SRP72: variants seen among roughly 807,000 people sequenced by gnomAD.
SRP72 encodes the protein signal recognition particle 72.
A neutral mutation model predicts 96.3 loss-of-function variants in SRP72; 49 were observed. The ratio of observed to expected loss-of-function variants is 0.51; its 90% CI spans 0.40 to 0.65. The LOEUF is 0.65. Ranked by LOEUF, SRP72 falls within the 30% of genes least tolerant of loss-of-function variation. The pLI is 0.00. For synonymous variants in SRP72, 267 were observed against 275.2 expected (o/e 0.97, Z 0.30); for missense variants, 736 against 793.3 (o/e 0.93, Z 0.87).
intron 6 of SRP72, among the ~76,000 whole-genome samples, chr4:56,477,618 A>G (rs1230805002): frequency 6.6e-6 from 1 of 152,002 alleles, no homozygotes. Context: ...TAATATTTTT[A>G]AGTTTTATCA....
At chr4:56,488,225 C>T (rs1312366733) in intron 12 of SRP72, among the ~76,000 whole-genome samples, 1 of 152,120 alleles carries the variant, frequency 6.6e-6, no homozygotes, top group Non-Finnish European at 1.5e-5. Context: ...ACTATTTAGG[C>T]CTTATAGTAT....
chr4:56,500,314 A>G (rs550770424), intron 17 of SRP72: 9 of 411,914 alleles, frequency 2.2e-5, no homozygotes, highest in South Asian at 1.1e-4. Context: ...ATGTATACCT[A>G]TGTAACAAAC....
chr4:56,480,736 A>G (rs1720449922), intron 8 of SRP72, among the ~76,000 whole-genome samples: 1 of 152,228 alleles, frequency 6.6e-6, no homozygotes, highest in Non-Finnish European at 1.5e-5. Flanking sequence ...AAGCATCATC[A>G]CATAGTTTAA....
chr4:56,492,573 C>T (rs1044199678), intron 16 of SRP72, among the ~76,000 whole-genome samples: 1 of 151,846 alleles, frequency 6.6e-6, no homozygotes, highest in Non-Finnish European at 1.5e-5. Context: ...TAAATTTTTC[C>T]CTAACTTAAA....
intron 16 of SRP72, among the ~76,000 whole-genome samples, chr4:56,494,569 A>G (rs1721015120): frequency 1.3e-5 from 2 of 151,536 alleles, no homozygotes; most frequent in African/African-American, 2.4e-5. Context: ...ACACCCAACT[A>G]ATTTTTGTAT....
At chr4:56,477,580 A>C (rs970974793) in intron 6 of SRP72, among the ~76,000 whole-genome samples, 8 of 152,046 alleles carry the variant, frequency 5.3e-5, no homozygotes, top group African/African-American at 1.9e-4. Context: ...GGCGTGAACC[A>C]CCATGCCCAG....
chr4:56,501,929 A>G lies in SRP72; in HGVS notation c.*68A>G, dbSNP rs1560691683. The G allele has an allele frequency of 6.6e-7, 1 of 1,516,200 alleles. No homozygotes were observed. The highest frequency in any genetic ancestry group is 2.3e-5 in the East Asian group (1 of 44,286). 93.9% of individuals were successfully genotyped at this position (1,516,200 alleles called of 1,614,324 possible). A position where few individuals can be genotyped will look rare whatever the true frequency, so the allele number is the denominator to read the frequency against. ...TGACACTAGGAATATAATAAAGGTA[A>G]CACAGCAAGAAGCACAGAACTACTC... is the stretch of plus-strand genomic sequence containing the variant. On this transcript the variant is annotated 3_prime_UTR_variant, in exon 19 of 19. Coordinates refer to ENST00000642900, the MANE Select transcript of SRP72 (RefSeq NM_006947.4).
chr4:56,484,825 C>T lies in SRP72; in HGVS notation c.1047C>T (p.Cys349=), dbSNP rs1306669598. 1 of 1,613,700 alleles carries T rather than the reference C, an allele frequency of 6.2e-7. No homozygotes were observed. Among genetic ancestry groups the T allele is most frequent in the Non-Finnish European group, 8.5e-7 (1 of 1,179,964 alleles). The stretch of plus-strand genomic sequence containing the variant: ...TGTTAATCCAAGCTGCCCAGCTCTG[C>T]CGTGAAAAGCAGCACACAAAAGCAA... The part of the protein sequence containing the change: ...LPVLIQAAQL[C]REKQHTKAIE... The change falls in exon 10 of 19, where the codon TGC becomes TGT. Residue 349 remains cysteine, a synonymous_variant. Transcript: ENST00000642900.
At position 56,474,544 on chromosome 4, in the gene SRP72, T is replaced by C. The variant is rs182900087; in HGVS notation, c.610+153T>C. The C allele has an allele frequency of 1.1e-3, 642 of 561,784 alleles. No homozygotes were observed. In the Admixed American group the frequency reaches 0.013, roughly 12 times the overall value. 34.8% of individuals were successfully genotyped at this position (561,784 alleles called of 1,614,324 possible). On this transcript the variant is annotated intron_variant, in intron 5 of 18. Transcript: ENST00000642900. ...AAGTTCCTGTCGTCTTTCTCTCTCT[T>C]TTTTTTTTTTATGGAGTGGGACAGA...
Position 56,476,872 on chromosome 4 carries a change from G to A in SRP72, c.642+170G>A, listed in dbSNP as rs1294747955. ...CAGTTATTTGATGAAGTCTACTAGA[G>A]TGAGAAATCACAATACAAAAAATTT... On this transcript the variant is annotated intron_variant, in intron 6 of 18. Coordinates refer to ENST00000642900, the MANE Select transcript of SRP72 (RefSeq NM_006947.4). 9 of 630,558 alleles carry A rather than the reference G, an allele frequency of 1.4e-5. No individual in the cohort carries two copies. The East Asian group carries it at 1.8e-4, about 12-fold the overall frequency. 39.1% of individuals were successfully genotyped at this position (630,558 alleles called of 1,614,324 possible). A position where few individuals can be genotyped will look rare whatever the true frequency, so the allele number is the denominator to read the frequency against.
chr4:56,474,828 G>A (rs1720142742), intron 5 of SRP72, among the ~76,000 whole-genome samples: 2 of 152,162 alleles, frequency 1.3e-5, no homozygotes, highest in Admixed American at 6.5e-5. Context: ...GGGATCACAG[G>A]CGCATGCCAG....
At chr4:56,499,750 C>CT (rs1235355445) in intron 17 of SRP72, among the ~76,000 whole-genome samples, 1 of 152,206 alleles carries the variant, frequency 6.6e-6, no homozygotes, top group Non-Finnish European at 1.5e-5. Flanking sequence ...AATAGGAACA[C>CT]TTTAACATTG....
In SRP72 at chr4:56,470,537, C is replaced by CAA. The variant is rs753714537; in HGVS notation, c.230+777_230+778dup. ...CCTGGGTGACGGGGAGACTCCGTCT[C>CAA]AAAAAAAAAAAAAAGTCATTTGTAG... On this transcript the variant is annotated intron_variant, in intron 2 of 18. Coordinates refer to ENST00000642900, the MANE Select transcript of SRP72 (RefSeq NM_006947.4). Among the ~76,000 whole-genome samples, 616 of 129,804 alleles carry CAA rather than the reference C, an allele frequency of 4.7e-3. 4 individuals are homozygous for CAA. The highest frequency in any genetic ancestry group is 0.015 in the African/African-American group (519 of 35,236). The allele number at this position is 129,804 out of a possible 152,430, so 85.2% of individuals were successfully genotyped here. A position where few individuals can be genotyped will look rare whatever the true frequency, so the allele number is the denominator to read the frequency against.
At chr4:56,485,163 A>C (rs1720656712) in intron 10 of SRP72, among the ~76,000 whole-genome samples, 1 of 152,176 alleles carries the variant, frequency 6.6e-6, no homozygotes, top group Admixed American at 6.5e-5. Flanking sequence ...ATTCCAGAAC[A>C]TACTTAACCT....
chr4:56,487,823 T>G (rs1720772064), intron 11 of SRP72, 126 bp from the exon 12 acceptor site: 2 of 670,392 alleles, frequency 3.0e-6, no homozygotes, highest in Non-Finnish European at 5.1e-6. Context: ...TGTTTAGCGA[T>G]GTTACAAAAC....
At chr4:56,494,886 C>A (rs1721024929) in intron 16 of SRP72, among the ~76,000 whole-genome samples, 1 of 151,916 alleles carries the variant, frequency 6.6e-6, no homozygotes, top group Non-Finnish European at 1.5e-5. Context: ...CCGTGTCTAC[C>A]CACCTCCCTC....
intron 17 of SRP72, among the ~76,000 whole-genome samples, chr4:56,495,746 T>C (rs1721055538): frequency 6.6e-6 from 1 of 152,200 alleles, no homozygotes. Flanking sequence ...AAGTAAGCAC[T>C]TACACATTTT....
chr4:56,495,366 T>G lies in SRP72; in HGVS notation c.1650T>G (p.Asp550Glu). Residue 550 changes from aspartate to glutamate, a missense_variant, in exon 17 of 19, where the codon GAT becomes GAG. Physicochemically the swap from Asp to Glu is conservative, Grantham distance 45. Around this residue, in one of 3 missense-constraint regions of SRP72, gnomAD observed 388 missense variants for 431.8 expected, o/e 0.90. Coordinates refer to ENST00000642900, the MANE Select transcript of SRP72 (RefSeq NM_006947.4). ...DSQPKEQGQG[D>E]LKKKKKKKKG... ...TTTTTTCTCTTTGTAGACAGGGAGA[T>G]TTGAAAAAGAAGAAAAAGAAAAAGA... 1 of 1,496,258 alleles carries G rather than the reference T, an allele frequency of 6.7e-7. No individual in the cohort carries two copies. The highest frequency in any genetic ancestry group is 9.2e-7 in the Non-Finnish European group (1 of 1,085,516). The allele number at this position is 1,496,258 out of a possible 1,614,324, so 92.7% of individuals were successfully genotyped here. A position where few individuals can be genotyped will look rare whatever the true frequency, so the allele number is the denominator to read the frequency against.
chr4:56,467,658 G>T lies in SRP72; in HGVS notation c.23G>T (p.Gly8Val), dbSNP rs760960779. 14 of 1,559,726 alleles carry T rather than the reference G, an allele frequency of 9.0e-6. No individual in the cohort carries two copies. In the African/African-American group the frequency reaches 9.8e-5, roughly 11 times the overall value. ...AAGATGGCGAGCGGCGGCAGCGGGG[G>T]GGTGTCAGTACCTGCGCTGTGGAGT... MASGGSG[G>V]VSVPALWSEV... Residue 8 changes from glycine (G) to valine (V), a missense_variant, in exon 1 of 19, where the codon GGG becomes GTG. Physicochemically the swap from Gly to Val is moderately radical, Grantham distance 109. This residue lies in a region of SRP72 where 329 missense variants were observed against 319.0 expected (regional missense o/e 1.03). Transcript: ENST00000642900.
Sources: gnomAD v4.1 joint callset for allele counts (sites outside exome capture counted in the v4.1 genomes callset) on GRCh38, gnomAD v4.1.1 for gene constraint, gnomAD v4.1.1 regional missense constraint, MANE v1.5 for transcripts, NCBI Gene and HGNC (gene_info 2026-07-23, HGNC 2026-07-21) for gene names.